The following PPP1CC variants were observed in gnomAD, a reference collection of about 807,000 sequenced individuals.
PPP1CC encodes serine/threonine-protein phosphatase PP1-gamma catalytic subunit.
Under a neutral mutation model 38.4 loss-of-function variants are expected in PPP1CC, and 16 were observed. That is an observed-to-expected ratio of 0.42 (90% confidence interval 0.28 to 0.63). The LOEUF (loss-of-function observed/expected upper bound fraction) is 0.63, where lower values mean the gene tolerates loss of function less well. Ranked by LOEUF, PPP1CC falls within the 30% of genes least tolerant of loss-of-function variation. The pLI is 0.25. For synonymous variants in PPP1CC, 158 were observed against 136.0 expected, an observed-to-expected ratio of 1.16 and a Z score of -1.13; for missense variants, 170 against 391.3, an observed-to-expected ratio of 0.43 and a Z score of 4.77.
chr12:110,719,975 G>T lies in PPP1CC; in HGVS notation c.*1101C>A. The T allele has an allele frequency of 1.6e-6, 1 of 621,742 alleles. No individual in the cohort carries two copies. Among genetic ancestry groups the T allele is most frequent in the Admixed American group, 3.1e-5 (1 of 32,432 alleles). 38.5% of individuals were successfully genotyped at this position (621,742 alleles called of 1,614,324 possible). The stretch of plus-strand genomic sequence containing the variant: ...ACGGTATTGTACACGGTCATCTGTT[G>T]AAACAGATTTCTTTTTTAACAGATC... On this transcript the variant is annotated 3_prime_UTR_variant, in exon 7 of 7. Coordinates refer to ENST00000335007, the MANE Select transcript of PPP1CC (RefSeq NM_002710.4).
At chr12:110,734,849 G>C (rs2069923573) in intron 1 of PPP1CC, 1 of 152,556 alleles carries the variant, frequency 6.6e-6, no homozygotes, top group African/African-American at 2.4e-5. Flanking sequence ...CTTAAAAGTT[G>C]TCATATCAGG....
chr12:110,714,123 T>C, the PPP1CC span, among the ~76,000 whole-genome samples: 1 of 151,922 alleles, frequency 6.6e-6, no homozygotes, highest in Non-Finnish European at 1.5e-5. Flanking sequence ...ACAAAAAAAC[T>C]TTCATTCTAG....
At chr12:110,742,619 G>A (rs1216961473) in intron 1 of PPP1CC, 34 bp downstream of exon 1, 8 of 1,230,172 alleles carry the variant, frequency 6.5e-6, no homozygotes, top group South Asian at 2.3e-5. Context: ...CCTCAGGCCC[G>A]CCTCCCCCTT....
intron 1 of PPP1CC, among the ~76,000 whole-genome samples, chr12:110,733,765 C>T (rs2136559283): frequency 6.6e-6 from 1 of 152,276 alleles, no homozygotes; most frequent in African/African-American, 2.4e-5. Flanking sequence ...AGGCATGAGC[C>T]ACTGCACCTG....
At chr12:110,721,301 T>A (rs536495844) in intron 6 of PPP1CC, 136 bp from the exon 7 acceptor site, 22 of 633,576 alleles carry the variant, frequency 3.5e-5, no homozygotes, top group Middle Eastern at 2.9e-4. Flanking sequence ...CCCTAGCATA[T>A]TAACACAAGC....
downstream of PPP1CC, among the ~76,000 whole-genome samples, chr12:110,718,283 A>T (rs560169977): frequency 7.2e-5 from 11 of 152,314 alleles, no homozygotes; most frequent in African/African-American, 2.6e-4. Flanking sequence ...TACATAGATG[A>T]TTGAGCGACT....
chr12:110,731,954 T>A (rs757849527), intron 1 of PPP1CC, 53 bp from the exon 2 acceptor site: 1 of 1,582,276 alleles, frequency 6.3e-7, no homozygotes, highest in South Asian at 1.1e-5. Flanking sequence ...CAAAATACAA[T>A]ACGAGATTTA....
In PPP1CC at chr12:110,730,667, C is replaced by T. The variant is rs1329477253; in HGVS notation, c.280G>A (p.Val94Met). ...TCCAATGACTGCTTTCCCCTGTCCACATAGTCCCCAAGAAACAGGTAGTTG... is the reference window on the plus strand; with the variant it reads ...TCCAATGACTGCTTTCCCCTGTCCATATAGTCCCCAAGAAACAGGTAGTTG... ...ESNYLFLGDY[V>M]DRGKQSLETI... is the part of the protein sequence containing the mutation. The change falls in exon 3 of 7, where the codon GTG becomes ATG. Residue 94 changes from valine to methionine, a missense_variant. Coordinates refer to ENST00000335007, the MANE Select transcript of PPP1CC (RefSeq NM_002710.4). 1 of 1,614,148 alleles carries T rather than the reference C, an allele frequency of 6.2e-7. No homozygotes were observed.
At chr12:110,717,030 C>T (rs762815523), downstream of PPP1CC, among the ~76,000 whole-genome samples, 2 of 152,198 alleles carry the variant, frequency 1.3e-5, no homozygotes, top group Non-Finnish European at 2.9e-5. Context: ...GTGCCTGGCC[C>T]AAGTTTTCCT....
the PPP1CC span, among the ~76,000 whole-genome samples, chr12:110,710,191 C>G: frequency 6.6e-6 from 1 of 151,790 alleles, no homozygotes; most frequent in South Asian, 2.1e-4. Flanking sequence ...TCTAATACAC[C>G]TCATTATATT....
At position 110,719,861 on chromosome 12, in the gene PPP1CC, A is replaced by AGTTC; in HGVS notation, c.*1211_*1214dup. On this transcript the variant is annotated 3_prime_UTR_variant, in exon 7 of 7. Transcript: ENST00000335007. ...AAAATCTATTCAATATGCCATCAAC[A>AGTTC]GTTCTCCTGTGTGTATTGTGCTGAT... is the stretch of plus-strand genomic sequence containing the variant. 5.2e-6 allele frequency: 2 copies of AGTTC among 384,358 alleles called. No individual in the cohort carries two copies. The allele number at this position is 384,358 out of a possible 1,614,324, so 23.8% of individuals were successfully genotyped here.
chr12:110,741,916 A>G (rs1240249877), intron 1 of PPP1CC, among the ~76,000 whole-genome samples: 2 of 152,232 alleles, frequency 1.3e-5, no homozygotes, highest in Non-Finnish European at 2.9e-5. Flanking sequence ...TGATTACAGT[A>G]ATAATTCATG....
rs1257499981 is a variant in PPP1CC at position 110,722,726 on chromosome 12, A to T, written c.524-31T>A. 1.3e-6 allele frequency: 2 copies of T among 1,544,618 alleles called. No individual in the cohort carries two copies. The highest frequency in any genetic ancestry group is 1.7e-4 in the Middle Eastern group (1 of 5,836). On this transcript the variant is annotated intron_variant, in intron 4 of 6. Coordinates refer to ENST00000335007, the MANE Select transcript of PPP1CC (RefSeq NM_002710.4). The surrounding 1 kb of genome is among the most constrained non-coding windows in gnomAD (Gnocchi z 5.4). ...CAATGAGGAAAAAAAAAAAATGAAGAAAGCAGAACTTTTAAAAGGATACTA... is the reference window on the plus strand; with the variant it reads ...CAATGAGGAAAAAAAAAAAATGAAGTAAGCAGAACTTTTAAAAGGATACTA...
At chr12:110,713,519 G>T in the PPP1CC span, among the ~76,000 whole-genome samples, 1 of 152,038 alleles carries the variant, frequency 6.6e-6, no homozygotes, top group Non-Finnish European at 1.5e-5. Flanking sequence ...ATCAGGGAAG[G>T]CTCTACCTAA....
At chr12:110,721,995 A>G (rs1473428226) in intron 6 of PPP1CC, 140 bp downstream of exon 6, 5 of 972,258 alleles carry the variant, frequency 5.1e-6, no homozygotes, top group Non-Finnish European at 5.9e-6. Flanking sequence ...TTATTCAACT[A>G]TAATACACAC....
At chr12:110,727,055 A>G (rs1189878224) in intron 3 of PPP1CC, among the ~76,000 whole-genome samples, 2 of 152,120 alleles carry the variant, frequency 1.3e-5, no homozygotes, top group African/African-American at 2.4e-5. Flanking sequence ...TTCCTGCCTC[A>G]ATCTCCTGAG....
At chr12:110,723,503 T>C (rs2136541291) in intron 4 of PPP1CC, among the ~76,000 whole-genome samples, 1 of 152,328 alleles carries the variant, frequency 6.6e-6, no homozygotes, top group East Asian at 1.9e-4. Context: ...AAACAGCTTA[T>C]AACATATATA....
rs779475815 is a variant in PPP1CC, at chr12:110,722,471, C to T, written c.747+1G>A. Reference sequence around the variant, plus strand: ...GTACATGTAAAATTCAAAATCAATACCTGATGGGCTCTACATATAAGATCC... The same window carrying T: ...GTACATGTAAAATTCAAAATCAATATCTGATGGGCTCTACATATAAGATCC... On this transcript the variant is annotated splice_donor_variant, in intron 5 of 6. Coordinates refer to ENST00000335007, the MANE Select transcript of PPP1CC (RefSeq NM_002710.4). LOFTEE classifies it high-confidence loss of function. The surrounding 1 kb of genome is among the most constrained non-coding windows in gnomAD (Gnocchi z 5.4). The T allele has an allele frequency of 6.2e-7, 1 of 1,613,908 alleles. No homozygotes were observed. The highest frequency in any genetic ancestry group is 8.5e-7 in the Non-Finnish European group (1 of 1,179,798).
intron 1 of PPP1CC, chr12:110,732,969 A>C (rs990065708): frequency 1.3e-5 from 2 of 152,238 alleles, no homozygotes; most frequent in African/African-American, 4.8e-5. Context: ...ATATGTAACT[A>C]AGTCTCGTTC....
Sources: allele counts gnomAD v4.1 joint callset (sites outside exome capture counted in the v4.1 genomes callset), GRCh38; gene constraint gnomAD v4.1.1; non-coding constraint Gnocchi (gnomAD v3.1); transcripts MANE v1.5; gene names NCBI Gene and HGNC (gene_info 2026-07-23, HGNC 2026-07-21).